Variants in POPDC1 observed in about 807,000 individuals in gnomAD.
POPDC1 encodes popeye domain-containing protein 1.
the POPDC1 span, among the ~76,000 whole-genome samples, chr6:105,108,354 A>G: frequency 6.6e-6 from 1 of 152,186 alleles, no homozygotes; most frequent in Non-Finnish European, 1.5e-5. Flanking sequence ...AAAATGGGAC[A>G]CAGAACTGGG....
chr6:105,115,724 T>C, the POPDC1 span: 1 of 1,614,162 alleles, frequency 6.2e-7, no homozygotes, highest in Admixed American at 1.7e-5. Flanking sequence ...AAGAAACTGG[T>C]GCAAGCCGTC....
the POPDC1 span, among the ~76,000 whole-genome samples, chr6:105,121,577 C>T: frequency 6.6e-6 from 1 of 152,080 alleles, no homozygotes; most frequent in East Asian, 1.9e-4. Context: ...CTACTTTCAT[C>T]TTTTGTAATA....
chr6:105,131,243 T>C, the POPDC1 span, among the ~76,000 whole-genome samples: 2 of 152,186 alleles, frequency 1.3e-5, no homozygotes, highest in South Asian at 4.1e-4. Context: ...AATGTAAAAA[T>C]TTAAATATTC....
the POPDC1 span, among the ~76,000 whole-genome samples, chr6:105,114,905 A>G: frequency 1.3e-5 from 2 of 152,220 alleles, no homozygotes; most frequent in Non-Finnish European, 2.9e-5. Context: ...ACTCATACTG[A>G]GATAACCAGC....
the POPDC1 span, among the ~76,000 whole-genome samples, chr6:105,128,036 A>G: frequency 6.6e-6 from 1 of 152,280 alleles, no homozygotes; most frequent in African/African-American, 2.4e-5. Context: ...TTGGGATTAC[A>G]GGCGTGAGCC....
chr6:105,120,941 A>C, the POPDC1 span, among the ~76,000 whole-genome samples: 1 of 152,242 alleles, frequency 6.6e-6, no homozygotes, highest in Non-Finnish European at 1.5e-5. Context: ...CTAAAATAAC[A>C]CAGATTCAAA....
chr6:105,127,051 T>C, the POPDC1 span, among the ~76,000 whole-genome samples: 3 of 152,192 alleles, frequency 2.0e-5, no homozygotes, highest in Non-Finnish European at 2.9e-5. Flanking sequence ...TCATACTAAT[T>C]GGGTGGATGG....
the POPDC1 span, among the ~76,000 whole-genome samples, chr6:105,111,299 C>G: frequency 6.6e-6 from 1 of 152,158 alleles, no homozygotes; most frequent in Non-Finnish European, 1.5e-5. Flanking sequence ...CTGGGCAGCA[C>G]TTACTAGTGA....
the POPDC1 span, among the ~76,000 whole-genome samples, chr6:105,111,985 TCAC>T: frequency 6.6e-6 from 1 of 152,154 alleles, no homozygotes; most frequent in East Asian, 1.9e-4. Flanking sequence ...AACACCATAA[TCAC>T]CACCATGGGG....
At chr6:105,124,649 C>A in the POPDC1 span, 1 of 1,588,622 alleles carries the variant, frequency 6.3e-7, no homozygotes, top group South Asian at 1.1e-5. Flanking sequence ...GATAGGAGAC[C>A]TTCATTCTGA....
the POPDC1 span, among the ~76,000 whole-genome samples, chr6:105,122,750 C>A: frequency 6.6e-6 from 1 of 152,148 alleles, no homozygotes; most frequent in African/African-American, 2.4e-5. Flanking sequence ...TTGTAGATCG[C>A]GGTGATTAAA....
the POPDC1 span, among the ~76,000 whole-genome samples, chr6:105,121,083 T>A: frequency 6.6e-6 from 1 of 152,110 alleles, no homozygotes; most frequent in Admixed American, 6.5e-5. Flanking sequence ...CTGCAAGACA[T>A]CCCTCTCCCC....
chr6:105,122,184 C>G, the POPDC1 span, among the ~76,000 whole-genome samples: 1 of 152,216 alleles, frequency 6.6e-6, no homozygotes, highest in South Asian at 2.1e-4. Flanking sequence ...AGGGCTTACT[C>G]TGATGGCTCC....
the POPDC1 span, chr6:105,115,658 G>C: frequency 6.2e-7 from 1 of 1,613,222 alleles, no homozygotes; most frequent in Non-Finnish European, 8.5e-7. Flanking sequence ...CAGAACTCTG[G>C]AGTAGTATCA....
At chr6:105,115,762 G>A in the POPDC1 span, 1 of 1,613,984 alleles carries the variant, frequency 6.2e-7, no homozygotes, top group Non-Finnish European at 8.5e-7. Flanking sequence ...TGGCTATACT[G>A]TTCCTCATTT....
chr6:105,130,709 C>T, the POPDC1 span, among the ~76,000 whole-genome samples: 1 of 152,220 alleles, frequency 6.6e-6, no homozygotes, highest in South Asian at 2.1e-4. Flanking sequence ...CAGCTTGTTA[C>T]TGTATTGAAT....
the POPDC1 span, chr6:105,100,264 C>T: frequency 6.6e-6 from 1 of 151,882 alleles, no homozygotes; most frequent in Admixed American, 6.6e-5. Flanking sequence ...AATCCCAGCA[C>T]TCTGGGAGGC....
the POPDC1 span, among the ~76,000 whole-genome samples, chr6:105,118,448 TTGA>T: frequency 6.6e-6 from 1 of 152,242 alleles, no homozygotes; most frequent in Non-Finnish European, 1.5e-5. Context: ...CATCTAAGAC[TTGA>T]TGAAACACTA....
the POPDC1 span, among the ~76,000 whole-genome samples, chr6:105,124,152 G>A: frequency 6.6e-6 from 1 of 152,100 alleles, no homozygotes; most frequent in Non-Finnish European, 1.5e-5. Context: ...GGAGGCCGAG[G>A]CAGGCAGATC....
Sources: gnomAD v4.1 joint callset for allele counts (sites outside exome capture counted in the v4.1 genomes callset) on GRCh38, gnomAD v4.1.1 for gene constraint, MANE v1.5 for transcripts, NCBI Gene and HGNC (gene_info 2026-07-23, HGNC 2026-07-21) for gene names.